The following CPPED1 variants were observed in gnomAD, a reference collection of about 807,000 sequenced individuals.
CPPED1 encodes calcineurin like phosphoesterase domain containing 1.
CPPED1 carries 28 observed loss-of-function variants against 28.0 expected under a neutral mutation model. That is an observed-to-expected ratio of 1.00 (90% confidence interval 0.74 to 1.37). The LOEUF (loss-of-function observed/expected upper bound fraction) is 1.37, where lower values mean the gene tolerates loss of function less well. Ranked by LOEUF, CPPED1 falls within the 40% of genes most tolerant of loss-of-function variation. The probability of loss-of-function intolerance (pLI) is 0.00; values close to 1 mark genes in which losing one functional copy is unlikely to be tolerated. For missense variants in CPPED1, 504 were observed against 416.5 expected, an observed-to-expected ratio of 1.21 and a Z score of -1.83; for synonymous variants, 198 against 180.2, an observed-to-expected ratio of 1.10 and a Z score of -0.79.
At position 12,670,380 on chromosome 16, in the gene CPPED1, C is replaced by T. The variant is rs184994648; in HGVS notation, c.716-5265G>A. ...ATGGTAGGGGGAGAAACATCTCCTA[C>T]ACACAGAAGAGTAACAAATAAATGA... On this transcript the variant is annotated intron_variant, in intron 3 of 3. Transcript: ENST00000381774. This position sits in a 1 kb window ranked among gnomAD's most constrained non-coding sequence, Gnocchi z 4.2. 4.6e-5 allele frequency among the ~76,000 whole-genome samples: 7 copies of T among 152,224 alleles called. No individual in the cohort carries two copies. The East Asian group carries it at 1.3e-3, about 29-fold the overall frequency.
At chr16:12,746,285 A>G (rs1430090424) in intron 2 of CPPED1, among the ~76,000 whole-genome samples, 1 of 151,942 alleles carries the variant, frequency 6.6e-6, no homozygotes, top group Non-Finnish European at 1.5e-5. Context: ...TGAAGCAGGA[A>G]AATTGCTTGA....
chr16:12,734,157 C>T (rs2080214673), intron 2 of CPPED1, among the ~76,000 whole-genome samples: 1 of 145,188 alleles, frequency 6.9e-6, no homozygotes, highest in Non-Finnish European at 1.5e-5. Context: ...GCAACCTCTG[C>T]TTCCCGGGTT....
At chr16:12,743,177 G>C (rs1200937228) in intron 2 of CPPED1, among the ~76,000 whole-genome samples, 1 of 152,210 alleles carries the variant, frequency 6.6e-6, no homozygotes, top group African/African-American at 2.4e-5. Flanking sequence ...CTAGCCTTGT[G>C]AATGGGGCCT....
chr16:12,766,712 T>C (rs562102527), intron 2 of CPPED1, among the ~76,000 whole-genome samples: 5 of 152,198 alleles, frequency 3.3e-5, no homozygotes, highest in Admixed American at 6.5e-5. Flanking sequence ...CAGGTTGCAG[T>C]GAGCAGAGAT....
chr16:12,756,137 CA>C (rs1165308331), intron 2 of CPPED1, among the ~76,000 whole-genome samples: 2 of 144,252 alleles, frequency 1.4e-5, no homozygotes, highest in African/African-American at 2.8e-5. Flanking sequence ...TCAAAAAAAA[CA>C]AAAAAAAATC....
chr16:12,722,322 C>G (rs867624360), intron 2 of CPPED1, among the ~76,000 whole-genome samples: 1 of 152,150 alleles, frequency 6.6e-6, no homozygotes, highest in Non-Finnish European at 1.5e-5. Context: ...AAGTAGATGC[C>G]GAGCAGTTAG....
Position 12,682,608 on chromosome 16 carries a change from G to T in CPPED1, c.716-17493C>A, listed in dbSNP as rs1024784223. 2.0e-5 allele frequency among the ~76,000 whole-genome samples: 3 copies of T among 152,194 alleles called. No homozygotes were observed. Among genetic ancestry groups the T allele is most frequent in the African/African-American group, 7.2e-5 (3 of 41,444 alleles). ...ACTCCTCATTTGGAAGGCAAGACTA[G>T]TATCAACCATCCCCAGGGCCACTGG... On this transcript the variant is annotated intron_variant, in intron 3 of 3. Coordinates refer to ENST00000381774, the MANE Select transcript of CPPED1 (RefSeq NM_018340.3). The surrounding 1 kb of genome is among the most constrained non-coding windows in gnomAD (Gnocchi z 6.1).
At chr16:12,704,552 G>T in intron 3 of CPPED1, 72 bp downstream of exon 3, 1 of 1,456,242 alleles carries the variant, frequency 6.9e-7, no homozygotes, top group Non-Finnish European at 9.3e-7. Flanking sequence ...GCAGAGAGAC[G>T]GGAGAAAGAT....
intron 3 of CPPED1, among the ~76,000 whole-genome samples, chr16:12,668,316 A>C (rs967492552): frequency 3.1e-4 from 47 of 152,340 alleles, no homozygotes; most frequent in African/African-American, 1.1e-3. Flanking sequence ...TTAATGTTAA[A>C]AGTGAAACTA....
intron 2 of CPPED1, among the ~76,000 whole-genome samples, chr16:12,780,795 C>T (rs774085777): frequency 7.4e-5 from 11 of 148,824 alleles, no homozygotes; most frequent in Non-Finnish European, 1.0e-4. Flanking sequence ...AACAAAAAAG[C>T]ACCAACAAAT....
intron 1 of CPPED1, among the ~76,000 whole-genome samples, chr16:12,797,430 C>A (rs2080634198): frequency 1.3e-5 from 2 of 152,074 alleles, no homozygotes; most frequent in South Asian, 4.1e-4. Flanking sequence ...CTTCTCTGTT[C>A]CTAGCTACTC....
In CPPED1 at chr16:12,665,000, C is replaced by G. The variant is rs755867525; in HGVS notation, c.831G>C (p.Gly277=). 6.2e-7 allele frequency: 1 copy of G among 1,611,296 alleles called. No individual in the cohort carries two copies. Among genetic ancestry groups the G allele is most frequent in the Non-Finnish European group, 8.5e-7 (1 of 1,179,100 alleles). ...IGCQLGRDPH[G]LRVVVVTAEK... ...CGGCGGTGACCACCACGACTCGGAGCCCGTGGGGGTCTCTGCCCAGCTGGC... is the reference window on the plus strand; with the variant it reads ...CGGCGGTGACCACCACGACTCGGAGGCCGTGGGGGTCTCTGCCCAGCTGGC... The change falls in exon 4 of 4, where the codon GGG becomes GGC. Residue 277 remains glycine, a synonymous_variant. Transcript: ENST00000381774. This position sits in a 1 kb window ranked among gnomAD's most constrained non-coding sequence, Gnocchi z 4.2.
intron 3 of CPPED1, among the ~76,000 whole-genome samples, chr16:12,699,972 T>C (rs1424187769): frequency 6.6e-6 from 1 of 152,232 alleles, no homozygotes; most frequent in Non-Finnish European, 1.5e-5. Context: ...GAGTCATGGA[T>C]GCGTACAGCC....
intron 3 of CPPED1, among the ~76,000 whole-genome samples, chr16:12,698,647 T>C (rs181713569): frequency 2.7e-4 from 41 of 152,286 alleles, no homozygotes; most frequent in African/African-American, 9.9e-4. Flanking sequence ...CCCAGGCTGG[T>C]CTTGAATTCC....
intron 3 of CPPED1, among the ~76,000 whole-genome samples, chr16:12,672,574 C>T (rs190371385): frequency 3.9e-4 from 60 of 152,276 alleles, no homozygotes; most frequent in Non-Finnish European, 1.2e-4. Context: ...CATATACAGG[C>T]TCGTGTGCCT....
intron 3 of CPPED1, among the ~76,000 whole-genome samples, chr16:12,671,753 T>C (rs1172436932): frequency 6.6e-6 from 1 of 151,944 alleles, no homozygotes; most frequent in Admixed American, 6.6e-5. Context: ...TCTCTATGTC[T>C]AGATACACAA....
chr16:12,728,291 G>C (rs1253674063), intron 2 of CPPED1, among the ~76,000 whole-genome samples: 1 of 152,114 alleles, frequency 6.6e-6, no homozygotes, highest in Non-Finnish European at 1.5e-5. Context: ...CCTTTGATTA[G>C]AGGGTCCGTA....
rs140203915 is a variant in CPPED1, at chr16:12,725,593, G to T, written c.290-20544C>A. 6.8e-3 allele frequency among the ~76,000 whole-genome samples: 1,030 copies of T among 152,230 alleles called. 7 individuals carry two copies. The highest frequency in any genetic ancestry group is 0.034 in the Middle Eastern group (10 of 294). On this transcript the variant is annotated intron_variant, in intron 2 of 3. Coordinates refer to ENST00000381774, the MANE Select transcript of CPPED1 (RefSeq NM_018340.3). ...GGGGAGGGAGGAATGAGGACTCAGGGTTCAGCTGCAGGGGGTCCAGCACAG... is the reference window on the plus strand; with the variant it reads ...GGGGAGGGAGGAATGAGGACTCAGGTTTCAGCTGCAGGGGGTCCAGCACAG...
intron 2 of CPPED1, among the ~76,000 whole-genome samples, chr16:12,744,297 AAAGCAAGCAAGCAAGC>A (rs1167597052): frequency 7.7e-6 from 1 of 130,180 alleles, no homozygotes; most frequent in South Asian, 2.7e-4. Flanking sequence ...AGAGAGAGAG[AAAGCAAGCAAGCAAGC>A]AAGCAAGCAA....
Sources: allele counts gnomAD v4.1 joint callset (sites outside exome capture counted in the v4.1 genomes callset), GRCh38; gene constraint gnomAD v4.1.1; non-coding constraint Gnocchi (gnomAD v3.1); transcripts MANE v1.5; gene names NCBI Gene and HGNC (gene_info 2026-07-23, HGNC 2026-07-21).